BICDL1: variants seen among roughly 807,000 people sequenced by gnomAD.
The protein encoded by BICDL1 is BICD family like cargo adaptor 1.
BICDL1 carries 20 observed loss-of-function variants against 76.8 expected under a neutral mutation model. That is an observed-to-expected ratio of 0.26 (90% CI 0.18 to 0.38). The LOEUF is 0.38. Ranked by LOEUF, BICDL1 falls within the 10% of genes least tolerant of loss-of-function variation. BICDL1 has a pLI of 1.00. For missense variants in BICDL1, 700 were observed against 798.6 expected, an observed-to-expected ratio of 0.88 and a Z score of 1.49; for synonymous variants, 383 against 337.1, an observed-to-expected ratio of 1.14 and a Z score of -1.49.
chr12:119,990,497 A>G (rs182904866), intron 1 of BICDL1, among the ~76,000 whole-genome samples, 200 bp downstream of exon 1: 8 of 152,304 alleles, frequency 5.3e-5, no homozygotes, highest in Admixed American at 5.2e-4. Context: ...GCTCACAGCA[A>G]ATGGGTCCAT....
At chr12:120,092,298 G>C in intron 9 of BICDL1, 2 of 985,450 alleles carry the variant, frequency 2.0e-6, no homozygotes, top group Non-Finnish European at 1.2e-6. Context: ...TGGACCACAT[G>C]AACGAATTCG....
chr12:120,076,849 C>T (rs1435604963), intron 7 of BICDL1, among the ~76,000 whole-genome samples: 1 of 152,234 alleles, frequency 6.6e-6, no homozygotes, highest in East Asian at 1.9e-4. Flanking sequence ...GCCATCACAG[C>T]AGGCATGGCG....
At position 120,059,506 on chromosome 12, in the gene BICDL1, C is replaced by T. The variant is rs150507914; in HGVS notation, c.646-2204C>T. 4.4e-4 allele frequency among the ~76,000 whole-genome samples: 67 copies of T among 152,006 alleles called. No homozygotes were observed. In the East Asian group the frequency reaches 0.012, roughly 27 times the overall value. ...GGCCAAGCTGGTCTTGAACTCCTGA[C>T]CTTGTGATCCGCCCACCTCGGCCTC... On this transcript the variant is annotated intron_variant, in intron 2 of 9. Transcript: ENST00000548673.
intron 3 of BICDL1, 145 bp downstream of exon 3, chr12:120,061,971 C>A: frequency 1.6e-6 from 1 of 627,660 alleles, no homozygotes; most frequent in Non-Finnish European, 2.8e-6. Flanking sequence ...ATCTGTTTCT[C>A]TGGGTAGCCT....
chr12:120,042,210 A>G (rs10849736), intron 2 of BICDL1, among the ~76,000 whole-genome samples: 20,200 of 152,128 alleles, frequency 0.13, 1,673 homozygotes, highest in East Asian at 0.4. Flanking sequence ...CAGTGTTCCA[A>G]TGGCTTTATA....
chr12:120,047,000 G>A (rs943190384), intron 2 of BICDL1, among the ~76,000 whole-genome samples: 1 of 152,148 alleles, frequency 6.6e-6, no homozygotes, highest in African/African-American at 2.4e-5. Context: ...AATTAAAGCT[G>A]GTGCTGCTGG....
intron 2 of BICDL1, among the ~76,000 whole-genome samples, chr12:120,050,306 G>A (rs1952830482): frequency 7.0e-6 from 1 of 142,296 alleles, no homozygotes; most frequent in South Asian, 2.2e-4. Flanking sequence ...TCACTCTGTC[G>A]CCCAGGCTGG....
chr12:120,027,931 A>C (rs1416458356), intron 2 of BICDL1, among the ~76,000 whole-genome samples: 2 of 152,214 alleles, frequency 1.3e-5, no homozygotes, highest in African/African-American at 4.8e-5. Flanking sequence ...TTCAGTCCAG[A>C]GGCACCACAA....
chr12:120,027,719 A>C (rs535126464), intron 2 of BICDL1, among the ~76,000 whole-genome samples: 1 of 152,306 alleles, frequency 6.6e-6, no homozygotes, highest in African/African-American at 2.4e-5. Context: ...TTTCTTGTAG[A>C]ACAATTTATG....
In BICDL1 at chr12:120,094,314, G is replaced by A. The variant is rs1277328415; in HGVS notation, c.*1153G>A. The stretch of plus-strand genomic sequence containing the variant: ...CACAGCAGGGATGCGCGGCAAGAAT[G>A]TACCTGTAGATGTGTACATACCACA... On this transcript the variant is annotated 3_prime_UTR_variant, in exon 10 of 10. Transcript: ENST00000548673. 1 of 456,724 alleles carries A rather than the reference G, an allele frequency of 2.2e-6. No individual in the cohort carries two copies. The highest frequency in any genetic ancestry group is 2.0e-5 in the African/African-American group (1 of 50,212). 28.3% of individuals were successfully genotyped at this position (456,724 alleles called of 1,614,324 possible).
chr12:120,094,126 A>C lies in BICDL1; in HGVS notation c.*965A>C, dbSNP rs111310157. The C allele has an allele frequency of 0.01, 4,439 of 438,608 alleles. 174 individuals carry two copies. Among genetic ancestry groups the C allele is most frequent in the African/African-American group, 0.081 (4,008 of 49,574 alleles). 27.2% of individuals were successfully genotyped at this position (438,608 alleles called of 1,614,324 possible). A position where few individuals can be genotyped will look rare whatever the true frequency, so the allele number is the denominator to read the frequency against. On this transcript the variant is annotated 3_prime_UTR_variant, in exon 10 of 10. Coordinates refer to ENST00000548673, the MANE Select transcript of BICDL1 (RefSeq NM_001367886.1). ...GGGGGAGGCTGCCGGAAGCCTCCAG[A>C]TGCTGCCTGCCTGCCTGCAGAAGCC...
chr12:119,994,750 A>C (rs1951602785), intron 1 of BICDL1, among the ~76,000 whole-genome samples: 1 of 152,218 alleles, frequency 6.6e-6, no homozygotes, highest in Non-Finnish European at 1.5e-5. Flanking sequence ...GGCCTCCCAA[A>C]GTGCTGGGAT....
intron 2 of BICDL1, among the ~76,000 whole-genome samples, chr12:120,016,329 G>A (rs576193007): frequency 6.6e-6 from 1 of 151,232 alleles, no homozygotes; most frequent in South Asian, 2.1e-4. Context: ...CAACTATTAT[G>A]AATAGTGCTG....
intron 4 of BICDL1, among the ~76,000 whole-genome samples, chr12:120,066,361 A>C (rs1953220410): frequency 6.6e-6 from 1 of 152,186 alleles, no homozygotes; most frequent in South Asian, 2.1e-4. Context: ...ATAAGTATGG[A>C]GAAAGAGAAA....
intron 1 of BICDL1, among the ~76,000 whole-genome samples, chr12:119,991,959 AT>A (rs1229937211): frequency 6.6e-6 from 1 of 152,234 alleles, no homozygotes; most frequent in Non-Finnish European, 1.5e-5. Context: ...TCTTTAAACT[AT>A]TTTTTAAAAC....
At chr12:120,030,642 G>A (rs1362754838) in intron 2 of BICDL1, among the ~76,000 whole-genome samples, 1 of 152,230 alleles carries the variant, frequency 6.6e-6, no homozygotes, top group Non-Finnish European at 1.5e-5. Context: ...GACTGATGTT[G>A]TCTGGAACCC....
intron 2 of BICDL1, among the ~76,000 whole-genome samples, chr12:120,046,168 A>G (rs1440815269): frequency 2.0e-5 from 3 of 152,164 alleles, no homozygotes; most frequent in Non-Finnish European, 4.4e-5. Context: ...CCATTCATGG[A>G]TGAAAGCAAG....
chr12:120,035,537 A>C (rs574779337), intron 2 of BICDL1, among the ~76,000 whole-genome samples: 14 of 152,188 alleles, frequency 9.2e-5, no homozygotes, highest in Non-Finnish European at 2.1e-4. Context: ...AAGTGGCTGA[A>C]CTGGGATTCA....
At chr12:120,045,934 T>TAATAATAATAATAAA (rs1555288143) in intron 2 of BICDL1, among the ~76,000 whole-genome samples, 3 of 141,784 alleles carry the variant, frequency 2.1e-5, no homozygotes, top group Admixed American at 6.8e-5. Flanking sequence ...ATAATAATAA[T>TAATAATAATAATAAA]AAAAAGAAAG....
Sources: gnomAD v4.1 joint callset for allele counts (sites outside exome capture counted in the v4.1 genomes callset) on GRCh38, gnomAD v4.1.1 for gene constraint, MANE v1.5 for transcripts, NCBI Gene and HGNC (gene_info 2026-07-23, HGNC 2026-07-21) for gene names.